Variants in MYO16 observed in about 807,000 individuals in gnomAD.
MYO16 encodes myosin XVI.
In MYO16, 94 loss-of-function variants were observed where a neutral mutation model predicts 205.3. The observed-to-expected ratio is 0.46, with a 90% CI of 0.39 to 0.54. The LOEUF (loss-of-function observed/expected upper bound fraction) is 0.54. Among genes scored for constraint, MYO16 ranks in the 20% least tolerant of loss-of-function variants. MYO16 has a pLI of 0.00. For synonymous variants in MYO16, 988 were observed against 954.0 expected (o/e 1.04, Z -0.66); for missense variants, 2,315 against 2,387.5 (o/e 0.97, Z 0.63).
At chr13:108,771,574 G>C (rs1255136956) in intron 4 of MYO16, among the ~76,000 whole-genome samples, 1 of 152,104 alleles carries the variant, frequency 6.6e-6, no homozygotes, top group African/African-American at 2.4e-5. Context: ...CAAATGCAGT[G>C]ACATGGATCC....
the MYO16 span, among the ~76,000 whole-genome samples, chr13:108,569,059 T>C: frequency 1.5e-4 from 23 of 152,282 alleles, no homozygotes; most frequent in African/African-American, 5.5e-4. Context: ...GTTTTGATTA[T>C]TGTAGCATGC....
At chr13:109,115,120 A>T (rs955554234) in intron 28 of MYO16, among the ~76,000 whole-genome samples, 6 of 150,660 alleles carry the variant, frequency 4.0e-5, no homozygotes, top group African/African-American at 9.8e-5. Context: ...ATTGTCTTTT[A>T]AAAAAAAAGA....
At chr13:108,539,932 A>G in the MYO16 span, among the ~76,000 whole-genome samples, 1 of 152,116 alleles carries the variant, frequency 6.6e-6, no homozygotes, top group Admixed American at 6.6e-5. Flanking sequence ...GGAGCTCAGA[A>G]ATGTGAGTTG....
the MYO16 span, among the ~76,000 whole-genome samples, chr13:108,533,829 C>T: frequency 6.6e-6 from 1 of 152,000 alleles, no homozygotes; most frequent in Non-Finnish European, 1.5e-5. Context: ...TGCAGATGTT[C>T]TTTTTTAGTG....
At chr13:108,578,983 CTG>C in the MYO16 span, among the ~76,000 whole-genome samples, 1 of 151,370 alleles carries the variant, frequency 6.6e-6, no homozygotes, top group Non-Finnish European at 1.5e-5. Flanking sequence ...CGTCAGAACA[CTG>C]TAAATATAAT....
At chr13:108,799,689 G>T (rs1394902928) in intron 6 of MYO16, among the ~76,000 whole-genome samples, 1 of 152,178 alleles carries the variant, frequency 6.6e-6, no homozygotes, top group East Asian at 1.9e-4. Context: ...TCCTGCAGAG[G>T]TCAGTGGGCC....
intron 1 of MYO16, among the ~76,000 whole-genome samples, chr13:108,634,530 G>T (rs1880136233): frequency 6.6e-6 from 1 of 152,064 alleles, no homozygotes; most frequent in Non-Finnish European, 1.5e-5. Context: ...TTCCTTGTTT[G>T]CAGGTCATAC....
At chr13:108,906,549 A>G (rs754024350) in intron 15 of MYO16, among the ~76,000 whole-genome samples, 1 of 152,220 alleles carries the variant, frequency 6.6e-6, no homozygotes, top group African/African-American at 2.4e-5. Flanking sequence ...TTAGCAGGAC[A>G]TTCTTTTAAA....
At chr13:108,853,378 C>T (rs1877990875) in intron 10 of MYO16, among the ~76,000 whole-genome samples, 1 of 152,168 alleles carries the variant, frequency 6.6e-6, no homozygotes, top group Admixed American at 6.5e-5. Flanking sequence ...ATTCTGACAG[C>T]ATCAAAGCCT....
chr13:108,560,838 A>G, the MYO16 span, among the ~76,000 whole-genome samples: 1 of 152,330 alleles, frequency 6.6e-6, no homozygotes, highest in East Asian at 1.9e-4. Context: ...AAGTTTTAAC[A>G]TTTTAGGACT....
intron 27 of MYO16, among the ~76,000 whole-genome samples, chr13:109,080,426 A>AT (rs1451033999): frequency 6.6e-6 from 1 of 152,204 alleles, no homozygotes; most frequent in Non-Finnish European, 1.5e-5. Flanking sequence ...TTAAGTTAAA[A>AT]TTAAGCATAC....
chr13:109,055,675 G>A lies in MYO16; in HGVS notation c.3335+80G>A, dbSNP rs984008664. The stretch of plus-strand genomic sequence containing the variant: ...CTGACACTGACACTATTGTAGCAAG[G>A]GTCTTCTGTTGTCTTTTTTGGCACT... On this transcript the variant is annotated intron_variant, in intron 27 of 34. Transcript: ENST00000457511. This position sits in a 1 kb window ranked among gnomAD's most constrained non-coding sequence, Gnocchi z 5.0. 3.1e-6 allele frequency: 4 copies of A among 1,290,392 alleles called. No individual in the cohort carries two copies. The highest frequency in any genetic ancestry group is 1.5e-5 in the African/African-American group (1 of 67,596). 79.9% of individuals were successfully genotyped at this position (1,290,392 alleles called of 1,614,324 possible). A position where few individuals can be genotyped will look rare whatever the true frequency, so the allele number is the denominator to read the frequency against.
chr13:109,034,231 A>G (rs929305279), intron 23 of MYO16, among the ~76,000 whole-genome samples: 1 of 152,222 alleles, frequency 6.6e-6, no homozygotes, highest in Admixed American at 6.5e-5. Context: ...CTTTTAGTAC[A>G]TTCCAAATTT....
chr13:108,527,920 G>C, the MYO16 span, among the ~76,000 whole-genome samples: 1 of 152,122 alleles, frequency 6.6e-6, no homozygotes, highest in Non-Finnish European at 1.5e-5. Context: ...TGTTTAACAA[G>C]GACTTTCCAA....
rs138104963 is a variant in MYO16, at chr13:108,680,647, A to T, written c.292+14498A>T. Among the ~76,000 whole-genome samples the T allele has an allele frequency of 1.7e-4, 26 of 152,336 alleles. 2 individuals carry two copies. The highest frequency in any genetic ancestry group is 6.0e-4 in the African/African-American group (25 of 41,570). ...TCCATAGCTTATGTTTCTAGTTATT[A>T]TACACATGGAGAAATTGGTCTTACT... is the stretch of plus-strand genomic sequence containing the variant. On this transcript the variant is annotated intron_variant, in intron 2 of 34. Transcript: ENST00000457511.
intron 7 of MYO16, among the ~76,000 whole-genome samples, chr13:108,813,279 A>G (rs1887350043): frequency 6.6e-6 from 1 of 152,296 alleles, no homozygotes; most frequent in East Asian, 1.9e-4. Flanking sequence ...TTTCTAAAGT[A>G]TTAGATCTGA....
chr13:108,644,362 GTCTATCTATCTA>G (rs68036528), intron 1 of MYO16, among the ~76,000 whole-genome samples: 10,865 of 147,996 alleles, frequency 0.073, 495 homozygotes, highest in Middle Eastern at 0.14. Flanking sequence ...CTGTCTGTCT[GTCTATCTATCTA>G]TCTATCTATC....
intron 3 of MYO16, among the ~76,000 whole-genome samples, chr13:108,726,131 C>G (rs574626768): frequency 6.6e-6 from 1 of 152,088 alleles, no homozygotes; most frequent in Non-Finnish European, 1.5e-5. Flanking sequence ...GAAATCTGTT[C>G]TATGCATACA....
the MYO16 span, among the ~76,000 whole-genome samples, chr13:108,586,522 G>A: frequency 3.3e-5 from 5 of 152,164 alleles, no homozygotes; most frequent in Non-Finnish European, 1.5e-5. Flanking sequence ...GCTGCTAACT[G>A]AATCTCAACT....
Sources: allele counts gnomAD v4.1 joint callset (sites outside exome capture counted in the v4.1 genomes callset), GRCh38; gene constraint gnomAD v4.1.1; non-coding constraint Gnocchi (gnomAD v3.1); transcripts MANE v1.5; gene names NCBI Gene and HGNC (gene_info 2026-07-23, HGNC 2026-07-21).